IGF1R: variants seen among roughly 807,000 people sequenced by gnomAD.
The protein encoded by IGF1R is insulin like growth factor 1 receptor.
A neutral mutation model predicts 144.6 loss-of-function variants in IGF1R; 44 were observed. That is an observed-to-expected ratio of 0.30 (90% CI 0.24 to 0.39). The LOEUF is 0.39. IGF1R is among the 10% of genes least tolerant of loss of function. The pLI, the probability that IGF1R is intolerant of heterozygous loss-of-function variation, is 1.00. For synonymous variants in IGF1R, 795 were observed against 722.8 expected, an observed-to-expected ratio of 1.10 and a Z score of -1.60; for missense variants, 1,355 against 1,833.7, an observed-to-expected ratio of 0.74 and a Z score of 4.77.
rs1170067943 is a variant in IGF1R, at chr15:98,961,999, G to C, written c.*4557G>C. ...GGGTGCTTTGGGATAAAAGATTTAT[G>C]AGCCAACTATTCTCTGGCACCAGAT... On this transcript the variant is annotated 3_prime_UTR_variant, in exon 21 of 21. Transcript: ENST00000650285. 4.3e-6 allele frequency: 1 copy of C among 233,202 alleles called. No individual in the cohort carries two copies. Among genetic ancestry groups the C allele is most frequent in the East Asian group, 6.0e-5 (1 of 16,608 alleles). The allele number at this position is 233,202 out of a possible 1,614,324, so 14.4% of individuals were successfully genotyped here. A position where few individuals can be genotyped will look rare whatever the true frequency, so the allele number is the denominator to read the frequency against.
rs536983482 is a variant in IGF1R, at chr15:98,903,464, C to T, written c.1247+3843C>T. ...CTCAAAGGTCAGGCTGAAACATGGC[C>T]GCTTTTTCACATTTCCCTGGGACTT... On this transcript the variant is annotated intron_variant, in intron 5 of 20. Coordinates refer to ENST00000650285, the MANE Select transcript of IGF1R (RefSeq NM_000875.5). Among the ~76,000 whole-genome samples, 5 of 152,298 alleles carry T rather than the reference C, an allele frequency of 3.3e-5. No homozygotes were observed. In the East Asian group the frequency reaches 5.8e-4, roughly 18 times the overall value.
At position 98,757,139 on chromosome 15, in the gene IGF1R, A is replaced by G. The variant is rs370782395; in HGVS notation, c.640+49032A>G. 2.1e-4 allele frequency among the ~76,000 whole-genome samples: 32 copies of G among 152,258 alleles called. 1 individual carries two copies. The East Asian group carries it at 2.1e-3, about 10-fold the overall frequency. On this transcript the variant is annotated intron_variant, in intron 2 of 20. Transcript: ENST00000650285. ...AATTCATGTATGTTTTCAGTTGTCAAATTGACAGTTAATGATGCACCTTTT... is the reference window on the plus strand; with the variant it reads ...AATTCATGTATGTTTTCAGTTGTCAGATTGACAGTTAATGATGCACCTTTT...
intron 2 of IGF1R, among the ~76,000 whole-genome samples, chr15:98,787,562 A>G (rs1196652368): frequency 4.6e-5 from 7 of 152,138 alleles, no homozygotes; most frequent in African/African-American, 1.7e-4. Context: ...TAGAGTATTG[A>G]TCCTTAAAAC....
chr15:98,766,025 G>C (rs905698743), intron 2 of IGF1R, among the ~76,000 whole-genome samples: 7 of 152,212 alleles, frequency 4.6e-5, no homozygotes, highest in Admixed American at 3.3e-4. Flanking sequence ...AGGGCAGGAG[G>C]AGGAAGGTGT....
chr15:98,918,725 A>G lies in IGF1R; in HGVS notation c.2201+1849A>G, dbSNP rs1450675957. 7.2e-5 allele frequency among the ~76,000 whole-genome samples: 11 copies of G among 152,142 alleles called. No individual in the cohort carries two copies. The East Asian group carries it at 1.7e-3, about 24-fold the overall frequency. On this transcript the variant is annotated intron_variant, in intron 10 of 20. Coordinates refer to ENST00000650285, the MANE Select transcript of IGF1R (RefSeq NM_000875.5). ...AAACCCTGTCTCTACTAAAGATACA[A>G]AAAATTAGCCAAGCGTGGTGGTGCA...
At position 98,707,647 on chromosome 15, in the gene IGF1R, C is replaced by T. The variant is rs2053897714; in HGVS notation, c.180C>T (p.His60=). Residue 60 remains histidine, a synonymous_variant, in exon 2 of 21, where the codon CAC becomes CAT. Transcript: ENST00000650285. This position sits in a 1 kb window ranked among gnomAD's most constrained non-coding sequence, Gnocchi z 6.7. ...GCACGGTGATCGAGGGCTACCTCCACATCCTGCTCATCTCCAAGGCCGAGG... is the reference window on the plus strand; with the variant it reads ...GCACGGTGATCGAGGGCTACCTCCATATCCTGCTCATCTCCAAGGCCGAGG... ...ENCTVIEGYL[H]ILLISKAEDY... 1 of 1,614,216 alleles carries T rather than the reference C, an allele frequency of 6.2e-7. No homozygotes were observed. The highest frequency in any genetic ancestry group is 8.5e-7 in the Non-Finnish European group (1 of 1,180,038).
intron 2 of IGF1R, among the ~76,000 whole-genome samples, chr15:98,728,007 G>GTTTTTTTTTT (rs10680958): frequency 9.2e-6 from 1 of 108,754 alleles, no homozygotes; most frequent in Non-Finnish European, 1.8e-5. Context: ...AAGATGCATT[G>GTTTTTTTTTT]TTTTTTTTTT....
chr15:98,833,443 A>G (rs111694048), intron 2 of IGF1R, among the ~76,000 whole-genome samples: 4 of 152,234 alleles, frequency 2.6e-5, no homozygotes, highest in African/African-American at 9.6e-5. Flanking sequence ...TCCATCAGCT[A>G]TTTTGTGGAA....
intron 1 of IGF1R, among the ~76,000 whole-genome samples, chr15:98,658,101 C>G (rs1473082741): frequency 2.0e-5 from 3 of 152,300 alleles, no homozygotes. Context: ...CCTTAGTAAT[C>G]CTGTGCTGTA....
At chr15:98,718,539 G>A (rs1004651635) in intron 2 of IGF1R, among the ~76,000 whole-genome samples, 5 of 152,166 alleles carry the variant, frequency 3.3e-5, no homozygotes, top group African/African-American at 9.7e-5. Flanking sequence ...ACTGAGGCTC[G>A]CTGGCCCACC....
chr15:98,824,266 A>G (rs1298052474), intron 2 of IGF1R: 1 of 152,158 alleles, frequency 6.6e-6, no homozygotes, highest in Non-Finnish European at 1.5e-5. Context: ...GGCTCACATA[A>G]TTAGGCAGAA....
chr15:98,780,939 G>T (rs2141393224), intron 2 of IGF1R, among the ~76,000 whole-genome samples: 1 of 152,248 alleles, frequency 6.6e-6, no homozygotes, highest in Middle Eastern at 3.4e-3. Flanking sequence ...AACATGGCAA[G>T]CTTTGTCTCT....
chr15:98,933,017 C>T (rs2016004566), intron 15 of IGF1R, among the ~76,000 whole-genome samples: 1 of 152,190 alleles, frequency 6.6e-6, no homozygotes. Flanking sequence ...GCCACAGGCC[C>T]AGGGTCAGCA....
At chr15:98,748,805 C>T (rs938597062) in intron 2 of IGF1R, among the ~76,000 whole-genome samples, 11 of 152,228 alleles carry the variant, frequency 7.2e-5, no homozygotes, top group East Asian at 1.9e-4. Context: ...TAGTTAATTG[C>T]GTTTATTCTT....
chr15:98,651,126 T>A, intron 1 of IGF1R: 3 of 942,894 alleles, frequency 3.2e-6, no homozygotes, highest in Non-Finnish European at 3.8e-6. Flanking sequence ...CCGATTAACT[T>A]TGAAAAAATC....
chr15:98,696,696 G>A (rs564247707), intron 1 of IGF1R, among the ~76,000 whole-genome samples: 4 of 152,246 alleles, frequency 2.6e-5, no homozygotes, highest in Admixed American at 6.5e-5. Flanking sequence ...CTTGAGTGTC[G>A]GGCTATGATT....
intron 1 of IGF1R, among the ~76,000 whole-genome samples, chr15:98,666,706 A>T (rs1284457790): frequency 1.3e-5 from 2 of 152,102 alleles, no homozygotes; most frequent in Non-Finnish European, 2.9e-5. Flanking sequence ...AGAGACGGAA[A>T]GTAGAATGGT....
intron 2 of IGF1R, among the ~76,000 whole-genome samples, chr15:98,787,407 G>C (rs1265236298): frequency 2.0e-5 from 3 of 152,158 alleles, no homozygotes; most frequent in Non-Finnish European, 2.9e-5. Flanking sequence ...AAACTTTCAG[G>C]CTGACTAAAT....
chr15:98,651,232 A>T (rs1017592084), intron 1 of IGF1R, among the ~76,000 whole-genome samples: 2 of 152,194 alleles, frequency 1.3e-5, no homozygotes, highest in Admixed American at 1.3e-4. Flanking sequence ...GTTTCTATAA[A>T]CAAATCCTTA....
Sources: allele counts gnomAD v4.1 joint callset (sites outside exome capture counted in the v4.1 genomes callset), GRCh38; gene constraint gnomAD v4.1.1; non-coding constraint Gnocchi (gnomAD v3.1); transcripts MANE v1.5; gene names NCBI Gene and HGNC (gene_info 2026-07-23, HGNC 2026-07-21).